LPGAT1: variants seen among roughly 807,000 people sequenced by gnomAD.
The protein encoded by LPGAT1 is lysophosphatidylglycerol acyltransferase 1.
A neutral mutation model predicts 47.5 loss-of-function variants in LPGAT1; 11 were observed. The observed-to-expected ratio is 0.23, with a 90% CI of 0.15 to 0.38. LPGAT1 has a LOEUF of 0.38. Ranked by LOEUF, LPGAT1 falls within the 10% of genes least tolerant of loss-of-function variation. LPGAT1 has a pLI of 1.00. For synonymous variants in LPGAT1, 138 were observed against 144.2 expected (o/e 0.96, Z 0.31); for missense variants, 293 against 439.0 (o/e 0.67, Z 2.97).
At chr1:211,769,992 G>A (rs1658098244) in intron 6 of LPGAT1, among the ~76,000 whole-genome samples, 1 of 152,112 alleles carries the variant, frequency 6.6e-6, no homozygotes, top group African/African-American at 2.4e-5. Flanking sequence ...CCTCTGACAA[G>A]AGGACTATTA....
At chr1:211,759,607 C>T (rs965894591) in intron 6 of LPGAT1, among the ~76,000 whole-genome samples, 1 of 152,110 alleles carries the variant, frequency 6.6e-6, no homozygotes, top group Non-Finnish European at 1.5e-5. Context: ...ATTTAGATTA[C>T]TGATTTTTAG....
intron 2 of LPGAT1, among the ~76,000 whole-genome samples, chr1:211,797,421 A>T (rs1163708167): frequency 1.3e-5 from 2 of 149,284 alleles, no homozygotes; most frequent in African/African-American, 4.9e-5. Context: ...CCCAGTTTGG[A>T]TCAACTTTTT....
intron 6 of LPGAT1, among the ~76,000 whole-genome samples, chr1:211,754,795 C>A (rs554306754): frequency 1.3e-5 from 2 of 152,152 alleles, no homozygotes; most frequent in Admixed American, 6.5e-5. Flanking sequence ...GTGGATGGAT[C>A]ACAAAGTCTG....
chr1:211,809,823 G>A (rs111994547), intron 2 of LPGAT1, among the ~76,000 whole-genome samples: 325 of 152,116 alleles, frequency 2.1e-3, no homozygotes, highest in African/African-American at 7.4e-3. Flanking sequence ...CCAGTTTTGG[G>A]TATGTCTTTA....
chr1:211,793,333 C>T (rs1323918714), intron 2 of LPGAT1, 143 bp from the exon 3 acceptor site: 1 of 435,174 alleles, frequency 2.3e-6, no homozygotes, highest in African/African-American at 2.1e-5. Flanking sequence ...AGTTTATTTC[C>T]TGTGCAAATC....
chr1:211,810,769 AC>A (rs1479886734), intron 2 of LPGAT1, among the ~76,000 whole-genome samples: 2 of 152,246 alleles, frequency 1.3e-5, no homozygotes, highest in African/African-American at 2.4e-5. Flanking sequence ...GGGAAGAGAT[AC>A]AAAAGACAGC....
chr1:211,764,869 C>A (rs1036004933), intron 6 of LPGAT1, among the ~76,000 whole-genome samples: 2 of 151,842 alleles, frequency 1.3e-5, no homozygotes, highest in Non-Finnish European at 2.9e-5. Flanking sequence ...ATACTTAGCA[C>A]CTAGGCCACT....
At chr1:211,811,484 A>G (rs12128147) in intron 2 of LPGAT1, among the ~76,000 whole-genome samples, 13,213 of 152,268 alleles carry the variant, frequency 0.087, 666 homozygotes, top group Admixed American at 0.15. Flanking sequence ...TTGGCTCAGC[A>G]CAGTGGCTCA....
At chr1:211,763,794 C>T (rs12121773) in intron 6 of LPGAT1, among the ~76,000 whole-genome samples, 17,380 of 152,214 alleles carry the variant, frequency 0.11, 1,152 homozygotes, top group South Asian at 0.21. Context: ...TGGTTTCCTA[C>T]TACGGCAGGT....
intron 2 of LPGAT1, among the ~76,000 whole-genome samples, chr1:211,797,700 A>G (rs1027469508): frequency 5.9e-5 from 9 of 152,276 alleles, no homozygotes; most frequent in East Asian, 3.9e-4. Flanking sequence ...AATAAAGCTA[A>G]TATCTTAACC....
At chr1:211,787,798 G>T in intron 3 of LPGAT1, 71 bp from the exon 4 acceptor site, 1 of 862,076 alleles carries the variant, frequency 1.2e-6, no homozygotes, top group Non-Finnish European at 1.8e-6. Context: ...GAGTCTCCAA[G>T]CTTTAAATAT....
chr1:211,805,464 A>G (rs1318129355), intron 2 of LPGAT1, among the ~76,000 whole-genome samples: 1 of 152,210 alleles, frequency 6.6e-6, no homozygotes, highest in African/African-American at 2.4e-5. Flanking sequence ...CTCTCATCCC[A>G]TCATAAAGTC....
intron 6 of LPGAT1, among the ~76,000 whole-genome samples, chr1:211,772,463 A>G (rs1658210670): frequency 6.6e-6 from 1 of 152,198 alleles, no homozygotes; most frequent in Non-Finnish European, 1.5e-5. Context: ...TTGAAAAACC[A>G]TCCCGAATTC....
rs539756759 is a variant in LPGAT1, at chr1:211,744,730, T to A, written c.*5169A>T. 4 of 152,250 alleles carry A rather than the reference T, an allele frequency of 2.6e-5. No individual in the cohort carries two copies. Among genetic ancestry groups the A allele is most frequent in the Admixed American group, 2.6e-4 (4 of 15,288 alleles). 9.4% of individuals were successfully genotyped at this position (152,250 alleles called of 1,614,324 possible). ...TAACAAACATGTATAGTTGAATACA[T>A]AATTTTCTCCCAGAAGAGTGAACTG... On this transcript the variant is annotated 3_prime_UTR_variant, in exon 8 of 8. Transcript: ENST00000366997.
intron 2 of LPGAT1, among the ~76,000 whole-genome samples, chr1:211,818,659 T>C (rs1481607705): frequency 6.6e-6 from 1 of 152,192 alleles, no homozygotes; most frequent in Admixed American, 6.5e-5. Flanking sequence ...TATGTAACAA[T>C]ATTTGTCAAA....
Position 211,829,109 on chromosome 1 carries a change from TTATACATGATTCCTTCGATATACC to T in LPGAT1, c.164_187del (p.Trp55_Lys63delinsTer). The T allele has an allele frequency of 6.2e-7, 1 of 1,614,146 alleles. No homozygotes were observed. Among genetic ancestry groups the T allele is most frequent in the Non-Finnish European group, 8.5e-7 (1 of 1,180,038 alleles). On this transcript the variant is annotated stop_gained and inframe_deletion, in exon 2 of 8. Coordinates refer to ENST00000366997, the MANE Select transcript of LPGAT1 (RefSeq NM_014873.3). LOFTEE classifies it high-confidence loss of function. ...GGAAGCTACCATTCCTAAAAGCCAT[TTATACATGATTCCTTCGATATACC>T]AGAACCGCTTACTGTCCAGCACTCG...
chr1:211,780,757 C>T (rs1244232448), intron 5 of LPGAT1, among the ~76,000 whole-genome samples: 1 of 152,084 alleles, frequency 6.6e-6, no homozygotes, highest in Non-Finnish European at 1.5e-5. Context: ...GTAAAGTATA[C>T]TAATGAAGTT....
intron 6 of LPGAT1, among the ~76,000 whole-genome samples, chr1:211,756,998 C>T (rs1378881748): frequency 6.6e-6 from 1 of 151,812 alleles, no homozygotes; most frequent in East Asian, 1.9e-4. Context: ...GTGGCTCACA[C>T]CTGTAATCCC....
At chr1:211,800,575 C>G (rs919279167) in intron 2 of LPGAT1, among the ~76,000 whole-genome samples, 1 of 152,120 alleles carries the variant, frequency 6.6e-6, no homozygotes, top group Admixed American at 6.6e-5. Flanking sequence ...TAAACTTGTA[C>G]TGTTTTCAAA....
Sources: gnomAD v4.1 joint callset for allele counts (sites outside exome capture counted in the v4.1 genomes callset) on GRCh38, gnomAD v4.1.1 for gene constraint, MANE v1.5 for transcripts, NCBI Gene and HGNC (gene_info 2026-07-23, HGNC 2026-07-21) for gene names.